The following SEMA5A variants were observed in gnomAD, a reference collection of about 807,000 sequenced individuals.
SEMA5A encodes the protein semaphorin-5A.
SEMA5A carries 55 observed loss-of-function variants against 135.5 expected under a neutral mutation model. The observed-to-expected ratio is 0.41, with a 90% confidence interval of 0.33 to 0.51. The LOEUF (loss-of-function observed/expected upper bound fraction) is 0.51. Ranked by LOEUF, SEMA5A falls within the 20% of genes least tolerant of loss-of-function variation. The pLI is 0.37. For synonymous variants in SEMA5A, 580 were observed against 546.5 expected (o/e 1.06, Z -0.85); for missense variants, 1,290 against 1,419.9 (o/e 0.91, Z 1.47).
At chr5:9,223,847 C>T (rs1275456083) in intron 8 of SEMA5A, among the ~76,000 whole-genome samples, 2 of 152,152 alleles carry the variant, frequency 1.3e-5, no homozygotes, top group Non-Finnish European at 2.9e-5. Context: ...GGGCTTTGTA[C>T]ACAGCGAACC....
intron 11 of SEMA5A, among the ~76,000 whole-genome samples, chr5:9,174,622 G>T (rs1472020942): frequency 6.6e-6 from 1 of 152,208 alleles, no homozygotes; most frequent in Non-Finnish European, 1.5e-5. Flanking sequence ...AATGTGCTTA[G>T]TAATGCCTGG....
intron 10 of SEMA5A, 33 bp from the exon 11 acceptor site, chr5:9,190,504 C>T (rs761803840): frequency 4.5e-5 from 73 of 1,605,286 alleles, no homozygotes; most frequent in African/African-American, 5.3e-5. Context: ...TTACCAGAGC[C>T]GGCAGCCTGG....
rs182743760 is a variant in SEMA5A at position 9,502,816 on chromosome 5, A to T, written c.-175+42768T>A. Among the ~76,000 whole-genome samples, 544 of 152,266 alleles carry T rather than the reference A, an allele frequency of 3.6e-3. 3 individuals are homozygous for T. Among genetic ancestry groups the T allele is most frequent in the African/African-American group, 0.012 (497 of 41,556 alleles). On this transcript the variant is annotated intron_variant, in intron 1 of 22. Transcript: ENST00000382496. ...AAATACCCTTTCCCAAAGGGTTCTA[A>T]TTGGGGGAAGGACAGAGTGACGGAG...
chr5:9,076,805 C>T (rs2892421), intron 16 of SEMA5A, among the ~76,000 whole-genome samples: 118,621 of 151,784 alleles, frequency 0.78, 47,409 homozygotes, highest in East Asian at 0.95. Flanking sequence ...CCATATATGT[C>T]CACAAAATGA....
At chr5:9,386,092 G>A (rs1407488328) in intron 2 of SEMA5A, among the ~76,000 whole-genome samples, 9 of 152,048 alleles carry the variant, frequency 5.9e-5, no homozygotes, top group Non-Finnish European at 1.3e-4. Flanking sequence ...GAGCCATCAC[G>A]CCCAGCTGGA....
chr5:9,089,090 C>T (rs10050763), intron 16 of SEMA5A, among the ~76,000 whole-genome samples: 6,120 of 152,258 alleles, frequency 0.04, 368 homozygotes, highest in African/African-American at 0.12. Flanking sequence ...GTCTCCCTAA[C>T]AGACTGTGAG....
intron 8 of SEMA5A, among the ~76,000 whole-genome samples, chr5:9,206,843 T>C (rs1746047102): frequency 6.6e-6 from 1 of 151,342 alleles, no homozygotes; most frequent in African/African-American, 2.4e-5. Flanking sequence ...TCTGATATTT[T>C]CTGTTGTTGC....
At chr5:9,384,527 TATAGATAGATAGATAG>T (rs10547408) in intron 2 of SEMA5A, among the ~76,000 whole-genome samples, 25 of 96,458 alleles carry the variant, frequency 2.6e-4, no homozygotes, top group Non-Finnish European at 3.8e-4. Flanking sequence ...GAACCTCTGC[TATAGATAGATAGATAG>T]ATAGATAGAT....
chr5:9,335,842 C>A (rs1021994624), intron 4 of SEMA5A, among the ~76,000 whole-genome samples: 1 of 152,146 alleles, frequency 6.6e-6, no homozygotes, highest in Admixed American at 6.6e-5. Flanking sequence ...GTTGAATCAA[C>A]AGGTATCTTT....
intron 5 of SEMA5A, among the ~76,000 whole-genome samples, chr5:9,241,066 A>C (rs1413575928): frequency 6.6e-6 from 1 of 152,168 alleles, no homozygotes; most frequent in Non-Finnish European, 1.5e-5. Flanking sequence ...TCTGCATTAT[A>C]TATTTCAGCA....
At chr5:9,510,817 G>T (rs56326936) in intron 1 of SEMA5A, among the ~76,000 whole-genome samples, 1 of 152,216 alleles carries the variant, frequency 6.6e-6, no homozygotes, top group African/African-American at 2.4e-5. Flanking sequence ...TCTCAATAGA[G>T]AAATGTTTTA....
intron 3 of SEMA5A, among the ~76,000 whole-genome samples, chr5:9,377,257 T>C (rs1384916955): frequency 6.6e-6 from 1 of 152,168 alleles, no homozygotes; most frequent in Non-Finnish European, 1.5e-5. Context: ...AAATATATAT[T>C]TGTATGTGTG....
chr5:9,175,622 C>T (rs1175026522), intron 11 of SEMA5A, among the ~76,000 whole-genome samples: 1 of 152,142 alleles, frequency 6.6e-6, no homozygotes, highest in Non-Finnish European at 1.5e-5. Context: ...TCATTATACA[C>T]ATTTGCTCAT....
chr5:9,079,871 G>A (rs189240566), intron 16 of SEMA5A, among the ~76,000 whole-genome samples: 1 of 152,256 alleles, frequency 6.6e-6, no homozygotes, highest in Admixed American at 6.5e-5. Context: ...CAGTTAGAAT[G>A]GTGATCATTA....
chr5:9,091,716 C>G (rs1380230605), intron 16 of SEMA5A, among the ~76,000 whole-genome samples: 2 of 152,174 alleles, frequency 1.3e-5, no homozygotes, highest in African/African-American at 4.8e-5. Context: ...CATGAGGGCT[C>G]CTCAGTGGAC....
intron 5 of SEMA5A, among the ~76,000 whole-genome samples, chr5:9,246,972 T>C (rs1200779386): frequency 6.6e-6 from 1 of 152,176 alleles, no homozygotes; most frequent in African/African-American, 2.4e-5. Flanking sequence ...CACAGTTATA[T>C]GCCAAGGTTT....
At chr5:9,079,153 CT>C (rs1297562446) in intron 16 of SEMA5A, among the ~76,000 whole-genome samples, 5 of 151,868 alleles carry the variant, frequency 3.3e-5, no homozygotes, top group African/African-American at 7.3e-5. Flanking sequence ...AAATTTTTTG[CT>C]TTTTAAAACT....
chr5:9,466,598 A>G (rs1334214464), intron 1 of SEMA5A, among the ~76,000 whole-genome samples: 1 of 152,230 alleles, frequency 6.6e-6, no homozygotes, highest in African/African-American at 2.4e-5. Context: ...GGGAAACTAG[A>G]TTCGTGTATT....
chr5:9,481,549 C>G (rs1759876738), intron 1 of SEMA5A, among the ~76,000 whole-genome samples: 2 of 152,152 alleles, frequency 1.3e-5, no homozygotes. Flanking sequence ...ATTAGAAATT[C>G]TAGAGATTTC....
Sources: gnomAD v4.1 joint callset for allele counts (sites outside exome capture counted in the v4.1 genomes callset) on GRCh38, gnomAD v4.1.1 for gene constraint, MANE v1.5 for transcripts, NCBI Gene and HGNC (gene_info 2026-07-23, HGNC 2026-07-21) for gene names.